SGCZ: variants seen among roughly 807,000 people sequenced by gnomAD.
SGCZ encodes the protein sarcoglycan zeta.
A neutral mutation model predicts 41.3 loss-of-function variants in SGCZ; 40 were observed. The observed-to-expected ratio is 0.97, with a 90% confidence interval of 0.75 to 1.26. The LOEUF is 1.26. Among genes scored for constraint, SGCZ ranks in the 50% most tolerant of loss-of-function variants. The pLI, the probability that SGCZ is intolerant of heterozygous loss-of-function variation, is 0.00. For synonymous variants in SGCZ, 206 were observed against 137.5 expected (o/e 1.50, Z -3.49); for missense variants, 552 against 369.8 (o/e 1.49, Z -4.04).
intron 1 of SGCZ, among the ~76,000 whole-genome samples, chr8:15,051,923 A>G (rs909001542): frequency 6.6e-6 from 1 of 152,180 alleles, no homozygotes. Context: ...GGGCGCGCCA[A>G]AAGACTGGAA....
chr8:14,796,472 G>C lies in SGCZ; in HGVS notation c.40-241546C>G, dbSNP rs796210822. On this transcript the variant is annotated intron_variant, in intron 1 of 7. Coordinates refer to ENST00000382080, the MANE Select transcript of SGCZ (RefSeq NM_139167.4). ...ATTTGTGTCACAAGGTCACTTATTT[G>C]AGTATTTTCTTTATGAACACTTTTG... is the stretch of plus-strand genomic sequence containing the variant. 3.3e-5 allele frequency among the ~76,000 whole-genome samples: 5 copies of C among 151,398 alleles called. 1 individual carries two copies. The highest frequency in any genetic ancestry group is 1.9e-4 in the East Asian group (1 of 5,168).
At chr8:14,579,434 T>C (rs1421256184) in intron 1 of SGCZ, among the ~76,000 whole-genome samples, 1 of 152,200 alleles carries the variant, frequency 6.6e-6, no homozygotes, top group Non-Finnish European at 1.5e-5. Context: ...TCAAGCATTG[T>C]ATCTTGTACA....
intron 5 of SGCZ, among the ~76,000 whole-genome samples, chr8:14,113,145 T>C (rs182329046): frequency 3.7e-4 from 57 of 152,252 alleles, no homozygotes; most frequent in East Asian, 5.8e-4. Context: ...AAACCATTGA[T>C]ATCTCACCTG....
chr8:15,212,885 A>G (rs542420634), intron 1 of SGCZ, among the ~76,000 whole-genome samples: 5 of 152,240 alleles, frequency 3.3e-5, no homozygotes, highest in South Asian at 2.1e-4. Context: ...TTAACCTTCT[A>G]TCTTTGGGGT....
At chr8:15,121,982 T>C (rs112887881) in intron 1 of SGCZ, among the ~76,000 whole-genome samples, 5 of 151,408 alleles carry the variant, frequency 3.3e-5, no homozygotes, top group East Asian at 1.9e-4. Context: ...GGTATATTGA[T>C]GTGTAGGGAT....
At chr8:14,180,202 T>C (rs1303447510) in intron 4 of SGCZ, among the ~76,000 whole-genome samples, 3 of 151,992 alleles carry the variant, frequency 2.0e-5, no homozygotes, top group Non-Finnish European at 4.4e-5. Context: ...AAAAATCCCA[T>C]AAAAGGGTGA....
intron 2 of SGCZ, among the ~76,000 whole-genome samples, chr8:14,486,331 G>A (rs1585579708): frequency 6.6e-6 from 1 of 152,158 alleles, no homozygotes; most frequent in Non-Finnish European, 1.5e-5. Flanking sequence ...AAATACGGGT[G>A]TCTGGGAGAA....
At chr8:14,436,903 C>G (rs1365976888) in intron 2 of SGCZ, among the ~76,000 whole-genome samples, 1 of 152,036 alleles carries the variant, frequency 6.6e-6, no homozygotes, top group African/African-American at 2.4e-5. Context: ...TAGAAATTTT[C>G]TAAAGAAATA....
chr8:14,280,602 T>A (rs1800390434), intron 3 of SGCZ, among the ~76,000 whole-genome samples: 1 of 151,976 alleles, frequency 6.6e-6, no homozygotes, highest in African/African-American at 2.4e-5. Context: ...GATGTGTTAA[T>A]GGCACTTAGA....
At chr8:15,089,817 A>G (rs568169287) in intron 1 of SGCZ, among the ~76,000 whole-genome samples, 19 of 152,274 alleles carry the variant, frequency 1.2e-4, no homozygotes, top group African/African-American at 3.8e-4. Context: ...GTTTCAATAT[A>G]GCTGTCAAAA....
intron 1 of SGCZ, among the ~76,000 whole-genome samples, chr8:14,826,876 C>T (rs4618694): frequency 0.38 from 57,653 of 151,930 alleles, 15,066 homozygotes; most frequent in African/African-American, 0.72. Flanking sequence ...TTCTCCCATT[C>T]TGTAGGCTGC....
chr8:14,890,117 T>G (rs944058544), intron 1 of SGCZ, among the ~76,000 whole-genome samples: 3 of 151,886 alleles, frequency 2.0e-5, no homozygotes, highest in Non-Finnish European at 4.4e-5. Flanking sequence ...CTCGGGAGGC[T>G]GAGGCAGGTG....
At chr8:14,223,706 C>T (rs1392123046) in intron 4 of SGCZ, among the ~76,000 whole-genome samples, 1 of 152,144 alleles carries the variant, frequency 6.6e-6, no homozygotes, top group Non-Finnish European at 1.5e-5. Flanking sequence ...ACGGAACCAC[C>T]TGCCTATTCT....
At position 14,139,801 on chromosome 8, in the gene SGCZ, T is replaced by C. The variant is rs182909874; in HGVS notation, c.547+24779A>G. Among the ~76,000 whole-genome samples, 92 of 151,882 alleles carry C rather than the reference T, an allele frequency of 6.1e-4. 1 individual carries two copies. The highest frequency in any genetic ancestry group is 2.1e-3 in the African/African-American group (87 of 41,396). On this transcript the variant is annotated intron_variant, in intron 5 of 7. Transcript: ENST00000382080. ...TTCCTTCTGAAACTATTCCAATCAA[T>C]AGAAAAAGAGGGAATCCTCCCTAAC...
At chr8:14,691,970 A>T (rs1808813660) in intron 1 of SGCZ, among the ~76,000 whole-genome samples, 1 of 151,994 alleles carries the variant, frequency 6.6e-6, no homozygotes, top group Admixed American at 6.6e-5. Context: ...CATAATTGAT[A>T]CGTGAAATAT....
intron 2 of SGCZ, among the ~76,000 whole-genome samples, chr8:14,440,989 T>C (rs1349511169): frequency 6.6e-6 from 1 of 152,034 alleles, no homozygotes; most frequent in Admixed American, 6.6e-5. Context: ...AAGGGGGTTT[T>C]GTGTGTGATT....
intron 1 of SGCZ, among the ~76,000 whole-genome samples, chr8:15,165,661 C>T (rs995876734): frequency 7.2e-5 from 11 of 152,224 alleles, no homozygotes; most frequent in African/African-American, 2.6e-4. Context: ...TATATTTACA[C>T]GCAAGGTGTA....
intron 1 of SGCZ, among the ~76,000 whole-genome samples, chr8:14,782,278 G>A (rs1800615417): frequency 6.6e-6 from 1 of 152,100 alleles, no homozygotes; most frequent in Non-Finnish European, 1.5e-5. Context: ...TCATTTTAAG[G>A]AAGAAAATCA....
At chr8:15,137,994 C>T (rs989771769) in intron 1 of SGCZ, among the ~76,000 whole-genome samples, 1 of 152,104 alleles carries the variant, frequency 6.6e-6, no homozygotes, top group Non-Finnish European at 1.5e-5. Flanking sequence ...CCCATGAAAG[C>T]AGTCCCGGAG....
Sources: gnomAD v4.1 joint callset for allele counts (sites outside exome capture counted in the v4.1 genomes callset) on GRCh38, gnomAD v4.1.1 for gene constraint, MANE v1.5 for transcripts, NCBI Gene and HGNC (gene_info 2026-07-23, HGNC 2026-07-21) for gene names.